The following ATP8B4 variants were observed in gnomAD, a reference collection of about 807,000 sequenced individuals.
The protein encoded by ATP8B4 is ATPase phospholipid transporting 8B4 (putative).
In ATP8B4, 133 loss-of-function variants were observed where a neutral mutation model predicts 145.6. The ratio of observed to expected loss-of-function variants is 0.91; its 90% CI spans 0.79 to 1.05. The LOEUF (loss-of-function observed/expected upper bound fraction) is 1.05, where lower values mean the gene tolerates loss of function less well. Ranked by LOEUF, ATP8B4 falls within the 50% of genes least tolerant of loss-of-function variation. The pLI is 0.00. For missense variants in ATP8B4, 1,458 were observed against 1,425.2 expected (o/e 1.02, Z -0.37); for synonymous variants, 507 against 492.9 (o/e 1.03, Z -0.38).
intron 2 of ATP8B4, among the ~76,000 whole-genome samples, chr15:50,085,966 T>G (rs994402008): frequency 1.1e-5 from 1 of 87,392 alleles, no homozygotes; most frequent in Non-Finnish European, 1.9e-5. Flanking sequence ...TATATATTTA[T>G]ATATGATATA....
At chr15:49,906,949 G>C (rs2153439014) in intron 20 of ATP8B4, among the ~76,000 whole-genome samples, 1 of 152,276 alleles carries the variant, frequency 6.6e-6, no homozygotes, top group Non-Finnish European at 1.5e-5. Flanking sequence ...TAAATTTAGG[G>C]GAATCAGCAG....
Position 50,044,607 on chromosome 15 carries a change from G to T in ATP8B4, c.287C>A (p.Ala96Asp). ...LVITMTAVKD[A>D]TDDYFRHKSD... is the part of the protein sequence containing the mutation. ...GCAAATACTCACATAGTCATCTGTG[G>T]CATCTTTGACAGCTGTCATAGTTAT... Residue 96 changes from alanine (A) to aspartate (D), a missense_variant, in exon 5 of 28, where the codon GCC becomes GAC. Ala to Asp is a moderately radical substitution (Grantham distance 126). Coordinates refer to ENST00000284509, the MANE Select transcript of ATP8B4 (RefSeq NM_024837.4). The T allele has an allele frequency of 6.2e-7, 1 of 1,609,202 alleles. No individual in the cohort carries two copies. Among genetic ancestry groups the T allele is most frequent in the Non-Finnish European group, 8.5e-7 (1 of 1,176,070 alleles).
Position 49,897,441 on chromosome 15 carries a change from G to A in ATP8B4, c.2548C>T (p.Gln850Ter), listed in dbSNP as rs752837125. Residue 850 changes from glutamine (Q) to a stop codon, truncating the protein, a stop_gained, in exon 23 of 28, where the codon CAG (glutamine) becomes TAG (stop). Transcript: ENST00000284509. LOFTEE classifies it high-confidence loss of function. ...AVLASDYSFA[Q>*]FRYLQRLLLV... ...AGAAGCCTTTGGAGATATCTAAACT[G>A]TGCAAATGAATAGTCGCTGGCTAAG... 32 of 1,609,726 alleles carry A rather than the reference G, an allele frequency of 2.0e-5. No individual in the cohort carries two copies. The highest frequency in any genetic ancestry group is 2.6e-5 in the Non-Finnish European group (31 of 1,178,302).
intron 14 of ATP8B4, among the ~76,000 whole-genome samples, chr15:49,952,817 C>A (rs1486394779): frequency 6.6e-6 from 1 of 152,074 alleles, no homozygotes; most frequent in Non-Finnish European, 1.5e-5. Flanking sequence ...TTTGTTAATT[C>A]TTTCTCATCT....
intron 3 of ATP8B4, among the ~76,000 whole-genome samples, chr15:50,072,124 G>A (rs577354437): frequency 6.6e-6 from 1 of 151,978 alleles, no homozygotes; most frequent in Admixed American, 6.6e-5. Flanking sequence ...GGAAAGATCT[G>A]CCAATAGGAA....
At chr15:49,974,397 C>T (rs898575934) in intron 12 of ATP8B4, among the ~76,000 whole-genome samples, 1 of 142,886 alleles carries the variant, frequency 7.0e-6, no homozygotes, top group Non-Finnish European at 1.5e-5. Flanking sequence ...GCCACTTGTC[C>T]TTTTTTTTTT....
chr15:49,879,200 G>T (rs1052046052), intron 24 of ATP8B4, among the ~76,000 whole-genome samples, 176 bp downstream of exon 24: 1 of 152,158 alleles, frequency 6.6e-6, no homozygotes, highest in Non-Finnish European at 1.5e-5. Flanking sequence ...GGAAGCTAGG[G>T]TATAGGGGTA....
chr15:50,161,916 A>C (rs2044525029), intron 1 of ATP8B4, among the ~76,000 whole-genome samples: 2 of 152,132 alleles, frequency 1.3e-5, no homozygotes, highest in South Asian at 4.1e-4. Flanking sequence ...TTTCTTTCAG[A>C]TTGAAGAACT....
chr15:49,992,305 CT>C (rs2047105081), intron 9 of ATP8B4, among the ~76,000 whole-genome samples: 1 of 152,134 alleles, frequency 6.6e-6, no homozygotes, highest in South Asian at 2.1e-4. Flanking sequence ...GGGATGAGCC[CT>C]TGTTCAAGTC....
chr15:50,102,408 A>C (rs1229342653), intron 2 of ATP8B4, among the ~76,000 whole-genome samples: 1 of 152,130 alleles, frequency 6.6e-6, no homozygotes, highest in African/African-American at 2.4e-5. Context: ...ATGAAACAGG[A>C]GATATTACAA....
At chr15:49,955,152 T>C (rs1327778751) in intron 14 of ATP8B4, among the ~76,000 whole-genome samples, 1 of 152,034 alleles carries the variant, frequency 6.6e-6, no homozygotes, top group Non-Finnish European at 1.5e-5. Flanking sequence ...ATGGGAACAA[T>C]AGCCAGTGGG....
intron 1 of ATP8B4, among the ~76,000 whole-genome samples, chr15:50,127,654 T>G (rs2057316182): frequency 6.6e-6 from 1 of 152,228 alleles, no homozygotes; most frequent in African/African-American, 2.4e-5. Flanking sequence ...AATAAACTGC[T>G]GCAGCTTGTG....
chr15:49,974,689 T>C (rs1481913166), intron 12 of ATP8B4, among the ~76,000 whole-genome samples: 1 of 152,206 alleles, frequency 6.6e-6, no homozygotes, highest in Admixed American at 6.5e-5. Flanking sequence ...TTTGTTTTTA[T>C]TGATATTTTC....
chr15:50,057,631 C>T (rs2052703599), intron 3 of ATP8B4, among the ~76,000 whole-genome samples: 2 of 152,176 alleles, frequency 1.3e-5, no homozygotes, highest in African/African-American at 4.8e-5. Context: ...GCTCATTTTC[C>T]ATCTAGACCC....
chr15:50,063,085 TA>T lies in ATP8B4; in HGVS notation c.87+11041del, dbSNP rs753490770. 5.8e-3 allele frequency among the ~76,000 whole-genome samples: 800 copies of T among 138,082 alleles called. 1 individual carries two copies. The highest frequency in any genetic ancestry group is 7.0e-3 in the Admixed American group (97 of 13,760). The allele number at this position is 138,082 out of a possible 152,430, so 90.6% of individuals were successfully genotyped here. A position where few individuals can be genotyped will look rare whatever the true frequency, so the allele number is the denominator to read the frequency against. ...AAACCAGCACTATAATAGATGTCTT[TA>T]AAAAAAAAAAAAGCCTTTCTGCTTA... On this transcript the variant is annotated intron_variant, in intron 3 of 27. Transcript: ENST00000284509.
intron 2 of ATP8B4, among the ~76,000 whole-genome samples, chr15:50,102,844 A>G (rs1032243937): frequency 1.4e-4 from 21 of 152,106 alleles, no homozygotes; most frequent in African/African-American, 3.6e-4. Context: ...AAACTCCTCA[A>G]CAAAATACCA....
chr15:49,880,545 T>C (rs1416951517), intron 23 of ATP8B4: 1 of 152,216 alleles, frequency 6.6e-6, no homozygotes, highest in East Asian at 1.9e-4. Flanking sequence ...TAGAGGACTT[T>C]AAGCAAAGGA....
upstream of ATP8B4, among the ~76,000 whole-genome samples, chr15:50,121,683 C>T (rs547495695): frequency 6.6e-6 from 1 of 152,110 alleles, no homozygotes; most frequent in East Asian, 1.9e-4. Context: ...ACCTTTTATT[C>T]CCATTATACA....
At chr15:50,081,637 G>T (rs190477699) in intron 2 of ATP8B4, among the ~76,000 whole-genome samples, 5 of 152,274 alleles carry the variant, frequency 3.3e-5, no homozygotes, top group Non-Finnish European at 4.4e-5. Flanking sequence ...AAATCAGTTT[G>T]TGAACAATTT....
Sources: gnomAD v4.1 joint callset for allele counts (sites outside exome capture counted in the v4.1 genomes callset) on GRCh38, gnomAD v4.1.1 for gene constraint, MANE v1.5 for transcripts, NCBI Gene and HGNC (gene_info 2026-07-23, HGNC 2026-07-21) for gene names.